Variants in TPD52 observed in about 807,000 individuals in gnomAD.
The protein encoded by TPD52 is prostate and colon associated protein.
A neutral mutation model predicts 31.3 loss-of-function variants in TPD52; 17 were observed. The ratio of observed to expected loss-of-function variants is 0.54; its 90% CI spans 0.37 to 0.82. The LOEUF is 0.82. Among genes scored for constraint, TPD52 ranks in the 40% least tolerant of loss-of-function variants. The probability of loss-of-function intolerance (pLI) is 0.00; values close to 1 mark genes in which losing one functional copy is unlikely to be tolerated. For missense variants in TPD52, 212 were observed against 240.1 expected, an observed-to-expected ratio of 0.88 and a Z score of 0.77; for synonymous variants, 83 against 89.6, an observed-to-expected ratio of 0.93 and a Z score of 0.42.
At chr8:80,064,196 TC>T (rs1812865692) in intron 2 of TPD52, among the ~76,000 whole-genome samples, 2 of 152,010 alleles carry the variant, frequency 1.3e-5, no homozygotes, top group South Asian at 4.1e-4. Context: ...GTCAGTGAAG[TC>T]CCTTAGAAGA....
intron 1 of TPD52, among the ~76,000 whole-genome samples, chr8:80,103,198 T>TA (rs1176494214): frequency 1.3e-5 from 2 of 151,876 alleles, no homozygotes; most frequent in South Asian, 4.2e-4. Flanking sequence ...CAGGCAATGT[T>TA]AAAAAAAAAT....
rs544905281 is a variant in TPD52, at chr8:80,139,631, G to A, written c.19+31794C>T. 7.9e-5 allele frequency among the ~76,000 whole-genome samples: 12 copies of A among 151,996 alleles called. No homozygotes were observed. In the South Asian group the frequency reaches 1.5e-3, roughly 19 times the overall value. Reference sequence around the variant, plus strand: ...ATGAAAATAACAAGTAGCAATAAACGGGGGGTGGGGGTGAGGGCGGGGAAG... The same window carrying A: ...ATGAAAATAACAAGTAGCAATAAACAGGGGGTGGGGGTGAGGGCGGGGAAG... On this transcript the variant is annotated intron_variant, in intron 1 of 7. Transcript: ENST00000518937.
intron 1 of TPD52, among the ~76,000 whole-genome samples, chr8:80,149,681 T>A (rs1810442248): frequency 1.3e-5 from 2 of 152,182 alleles, no homozygotes; most frequent in Non-Finnish European, 2.9e-5. Context: ...TGGTTTCAGA[T>A]GGAGGTGAGG....
intron 1 of TPD52, among the ~76,000 whole-genome samples, chr8:80,161,727 TA>T (rs1460254729): frequency 2.0e-4 from 16 of 81,382 alleles, no homozygotes; most frequent in African/African-American, 1.3e-3. Flanking sequence ...TATATATATA[TA>T]TATATTTTTT....
intron 1 of TPD52, among the ~76,000 whole-genome samples, chr8:80,169,189 T>C (rs1811913554): frequency 6.6e-6 from 1 of 152,150 alleles, no homozygotes; most frequent in Non-Finnish European, 1.5e-5. Flanking sequence ...TCCACCTTGT[T>C]GGACAGGGGT....
chr8:80,097,850 G>C (rs779358980), intron 1 of TPD52, among the ~76,000 whole-genome samples: 1 of 152,228 alleles, frequency 6.6e-6, no homozygotes, highest in Non-Finnish European at 1.5e-5. Context: ...AAGTTAGAGA[G>C]GAGAAGTCAA....
rs1198387144 is a variant in TPD52 at position 80,171,444 on chromosome 8, G to A, written c.-1C>T. 1 of 1,593,458 alleles carries A rather than the reference G, an allele frequency of 6.3e-7. No individual in the cohort carries two copies. The highest frequency in any genetic ancestry group is 2.3e-5 in the East Asian group (1 of 44,290). The stretch of plus-strand genomic sequence containing the variant: ...CCTCACCTTGCTCGCCGCGGTCCAT[G>A]TCTCCAGCCCGCCGCCTCGTGTCCT... On this transcript the variant is annotated 5_prime_UTR_variant, in exon 1 of 8. Coordinates refer to ENST00000518937, the MANE Select transcript of TPD52 (RefSeq NM_001025253.3).
chr8:80,081,616 G>C (rs1337860594), intron 1 of TPD52, among the ~76,000 whole-genome samples: 2 of 151,684 alleles, frequency 1.3e-5, no homozygotes, highest in Admixed American at 1.3e-4. Context: ...TGGATTGGAA[G>C]CAAGTATGAA....
At chr8:80,053,468 G>C in intron 2 of TPD52, 38 bp from the exon 3 acceptor site, 1 of 1,594,658 alleles carries the variant, frequency 6.3e-7, no homozygotes, top group Non-Finnish European at 8.5e-7. Context: ...TATAGCAAAA[G>C]TCATTCAGTA....
chr8:80,142,741 A>G (rs768055008), intron 1 of TPD52, among the ~76,000 whole-genome samples: 26 of 152,074 alleles, frequency 1.7e-4, no homozygotes, highest in Non-Finnish European at 2.9e-5. Flanking sequence ...GGCAGAACTC[A>G]ACCTTCCCTT....
intron 1 of TPD52, among the ~76,000 whole-genome samples, chr8:80,096,009 A>G (rs1458111925): frequency 6.6e-6 from 1 of 152,012 alleles, no homozygotes; most frequent in Non-Finnish European, 1.5e-5. Flanking sequence ...CAAGCCCAAC[A>G]CTTTGGGAGG....
intron 1 of TPD52, among the ~76,000 whole-genome samples, chr8:80,088,300 TG>T (rs1015201892): frequency 2.0e-5 from 3 of 152,200 alleles, no homozygotes; most frequent in African/African-American, 7.2e-5. Flanking sequence ...AACAAGGTGA[TG>T]GAAGAACTCG....
intron 1 of TPD52, among the ~76,000 whole-genome samples, chr8:80,097,141 C>T (rs1806397016): frequency 1.0e-4 from 2 of 19,756 alleles, no homozygotes; most frequent in South Asian, 2.8e-3. Flanking sequence ...CAAACCAGCT[C>T]AACACTCCCT....
intron 1 of TPD52, among the ~76,000 whole-genome samples, chr8:80,162,181 A>G (rs1349367057): frequency 6.6e-6 from 1 of 152,220 alleles, no homozygotes; most frequent in Non-Finnish European, 1.5e-5. Flanking sequence ...AAAGACACCA[A>G]GAAGGAAGTA....
intron 1 of TPD52, among the ~76,000 whole-genome samples, chr8:80,074,807 A>C (rs544633201): frequency 2.6e-5 from 4 of 152,132 alleles, no homozygotes; most frequent in African/African-American, 9.7e-5. Flanking sequence ...TTAAGGCTGG[A>C]ATTTTCCCAT....
intron 1 of TPD52, among the ~76,000 whole-genome samples, chr8:80,087,704 TG>T (rs1301528243): frequency 2.0e-5 from 3 of 152,140 alleles, no homozygotes; most frequent in South Asian, 4.1e-4. Context: ...AAGCAGCAGT[TG>T]GTTTACCTTC....
chr8:80,097,105 A>G (rs1244447804), intron 1 of TPD52, among the ~76,000 whole-genome samples: 3 of 149,872 alleles, frequency 2.0e-5, no homozygotes, highest in Non-Finnish European at 2.9e-5. Flanking sequence ...GATATGGACA[A>G]AGTTTGAATG....
chr8:80,063,018 C>T (rs570802714), intron 2 of TPD52, among the ~76,000 whole-genome samples: 1 of 152,112 alleles, frequency 6.6e-6, no homozygotes, highest in East Asian at 1.9e-4. Flanking sequence ...CATGGAACTA[C>T]CACATGATGA....
At chr8:80,091,196 C>T (rs753448409) in intron 1 of TPD52, among the ~76,000 whole-genome samples, 8 of 152,172 alleles carry the variant, frequency 5.3e-5, no homozygotes, top group Non-Finnish European at 1.0e-4. Flanking sequence ...AGAGGCTGGG[C>T]GCAGTGGCTC....
Sources: allele counts gnomAD v4.1 joint callset (sites outside exome capture counted in the v4.1 genomes callset), GRCh38; gene constraint gnomAD v4.1.1; transcripts MANE v1.5; gene names NCBI Gene and HGNC (gene_info 2026-07-23, HGNC 2026-07-21).